The following ASIC2 variants were observed in gnomAD, a reference collection of about 807,000 sequenced individuals.
ASIC2 encodes acid sensing ion channel subunit 2.
Under a neutral mutation model 57.3 loss-of-function variants are expected in ASIC2, and 25 were observed. That is an observed-to-expected ratio of 0.44 (90% confidence interval 0.32 to 0.61). The LOEUF is 0.61. Ranked by LOEUF, ASIC2 falls within the 20% of genes least tolerant of loss-of-function variation. The probability of loss-of-function intolerance (pLI) is 0.06; values close to 1 mark genes in which losing one functional copy is unlikely to be tolerated. For synonymous variants in ASIC2, 319 were observed against 307.5 expected, an observed-to-expected ratio of 1.04 and a Z score of -0.39; for missense variants, 641 against 738.1, an observed-to-expected ratio of 0.87 and a Z score of 1.52.
chr17:33,121,728 C>T (rs991802272), intron 1 of ASIC2, among the ~76,000 whole-genome samples: 2 of 152,112 alleles, frequency 1.3e-5, no homozygotes, highest in East Asian at 1.9e-4. Flanking sequence ...GAACACTGAC[C>T]GTGGAGTCAG....
At position 34,037,342 on chromosome 17, in the gene ASIC2, T is replaced by C. The variant is rs866816371; in HGVS notation, c.555+118636A>G. The C allele has an allele frequency of 2.1e-4, 68 of 330,312 alleles. 1 individual carries two copies. The Middle Eastern group carries it at 7.6e-3, about 37-fold the overall frequency. 20.5% of individuals were successfully genotyped at this position (330,312 alleles called of 1,614,324 possible). On this transcript the variant is annotated intron_variant, in intron 1 of 9. Transcript: ENST00000359872. ...AGTACATGGAACCAGTTTTTCCTTT[T>C]AATTTTTTCCTCACTCAGAGCAGCC...
At chr17:33,483,435 C>G (rs1019455246) in intron 1 of ASIC2, among the ~76,000 whole-genome samples, 8 of 152,232 alleles carry the variant, frequency 5.3e-5, no homozygotes, top group Admixed American at 5.2e-4. Flanking sequence ...CAGAGGACTG[C>G]TCTTTACAAA....
chr17:34,111,290 TATATA>T (rs1472059812), intron 1 of ASIC2, among the ~76,000 whole-genome samples: 2 of 148,150 alleles, frequency 1.3e-5, no homozygotes, highest in Non-Finnish European at 3.0e-5. Flanking sequence ...ATTATATAAT[TATATA>T]ATATAATGTA....
chr17:33,844,651 G>A (rs1195474565), intron 1 of ASIC2, among the ~76,000 whole-genome samples: 4 of 152,138 alleles, frequency 2.6e-5, no homozygotes, highest in African/African-American at 9.7e-5. Flanking sequence ...TCACAGAGAT[G>A]GTGGTGACTT....
intron 1 of ASIC2, among the ~76,000 whole-genome samples, chr17:33,710,794 T>C (rs1228923957): frequency 6.6e-6 from 1 of 152,126 alleles, no homozygotes; most frequent in Non-Finnish European, 1.5e-5. Flanking sequence ...TGGGTCCTTG[T>C]GGCAGGAGTT....
intron 1 of ASIC2, among the ~76,000 whole-genome samples, chr17:34,088,751 C>T (rs1161012452): frequency 2.6e-5 from 4 of 152,208 alleles, no homozygotes; most frequent in African/African-American, 9.6e-5. Flanking sequence ...GCGGGCGCCC[C>T]TCCCCAGCCT....
chr17:33,205,894 C>A (rs186023306), intron 1 of ASIC2, among the ~76,000 whole-genome samples: 1 of 152,206 alleles, frequency 6.6e-6, no homozygotes, highest in Non-Finnish European at 1.5e-5. Flanking sequence ...GCCACAAAGA[C>A]CCCCTAATTC....
chr17:33,922,005 A>C (rs1915718437), intron 1 of ASIC2, among the ~76,000 whole-genome samples: 1 of 152,150 alleles, frequency 6.6e-6, no homozygotes, highest in South Asian at 2.1e-4. Flanking sequence ...GCCTGGGAAC[A>C]TTCTCAGGCA....
chr17:33,763,297 G>A (rs187414029), intron 1 of ASIC2, among the ~76,000 whole-genome samples: 12 of 152,182 alleles, frequency 7.9e-5, no homozygotes, highest in African/African-American at 2.9e-4. Flanking sequence ...AATGAGTGGA[G>A]GAAGAACACA....
intron 1 of ASIC2, among the ~76,000 whole-genome samples, chr17:33,394,328 G>C (rs1010983900): frequency 2.0e-5 from 3 of 152,206 alleles, no homozygotes; most frequent in Admixed American, 6.5e-5. Flanking sequence ...CATCAGAAGG[G>C]GTAGAGCATC....
intron 2 of ASIC2, among the ~76,000 whole-genome samples, chr17:33,111,401 T>C (rs1426675447): frequency 1.3e-5 from 2 of 152,248 alleles, no homozygotes; most frequent in Admixed American, 6.5e-5. Context: ...TTAGGGTCTA[T>C]ACACATGGGT....
intron 1 of ASIC2, among the ~76,000 whole-genome samples, chr17:33,356,188 T>G (rs561240453): frequency 6.6e-6 from 1 of 152,316 alleles, no homozygotes; most frequent in African/African-American, 2.4e-5. Flanking sequence ...GGCTGGCCCC[T>G]GAGTGACACC....
In ASIC2 at chr17:33,461,475, T is replaced by G. The variant is rs551023232; in HGVS notation, c.556-349408A>C. ...TGATATTCCCCAGGGCCCTGCTTCT[T>G]GGTGCTGTCCAAGCTCTACTTGCTG... On this transcript the variant is annotated intron_variant, in intron 1 of 9. Coordinates refer to the ASIC2 transcript ENST00000359872. 1.3e-4 allele frequency among the ~76,000 whole-genome samples: 20 copies of G among 152,302 alleles called. No individual in the cohort carries two copies. In the South Asian group the frequency reaches 4.1e-3, roughly 32 times the overall value.
At chr17:33,560,676 G>A (rs996476404) in intron 1 of ASIC2, among the ~76,000 whole-genome samples, 1 of 152,174 alleles carries the variant, frequency 6.6e-6, no homozygotes. Flanking sequence ...AAGAAGCAAC[G>A]AATGTGACCA....
intron 1 of ASIC2, among the ~76,000 whole-genome samples, chr17:33,689,434 C>T (rs1420261203): frequency 6.6e-6 from 1 of 152,184 alleles, no homozygotes; most frequent in Non-Finnish European, 1.5e-5. Context: ...ACACACTAGA[C>T]ACCACCTCCA....
chr17:33,232,876 T>C (rs984162036), intron 1 of ASIC2, among the ~76,000 whole-genome samples: 2 of 152,220 alleles, frequency 1.3e-5, no homozygotes, highest in Admixed American at 1.3e-4. Flanking sequence ...TGTATTGTGC[T>C]TTGTCCTGGG....
intron 1 of ASIC2, among the ~76,000 whole-genome samples, chr17:33,404,319 T>A (rs764898255): frequency 1.8e-4 from 28 of 152,240 alleles, no homozygotes; most frequent in Non-Finnish European, 4.0e-4. Context: ...GAGTGAATTT[T>A]GTAGTATGTA....
chr17:33,100,797 G>T (rs1372739905), intron 2 of ASIC2, among the ~76,000 whole-genome samples: 1 of 152,196 alleles, frequency 6.6e-6, no homozygotes, highest in East Asian at 1.9e-4. Flanking sequence ...TGAGGTCTGA[G>T]GTTGGGGCTG....
At chr17:33,285,842 T>C (rs112719257) in intron 1 of ASIC2, among the ~76,000 whole-genome samples, 2,025 of 152,286 alleles carry the variant, frequency 0.013, 51 homozygotes, top group African/African-American at 0.046. Flanking sequence ...AGAATTGAGA[T>C]GACATGAAAC....
Sources: gnomAD v4.1 joint callset for allele counts (sites outside exome capture counted in the v4.1 genomes callset) on GRCh38, gnomAD v4.1.1 for gene constraint, MANE v1.5 for transcripts, NCBI Gene and HGNC (gene_info 2026-07-23, HGNC 2026-07-21) for gene names.